SH3BP4: variants seen among roughly 807,000 people sequenced by gnomAD.
SH3BP4 encodes the protein SH3 domain-binding protein 4.
A neutral mutation model predicts 65.5 loss-of-function variants in SH3BP4; 33 were observed. The ratio of observed to expected loss-of-function variants is 0.50; its 90% CI spans 0.38 to 0.67. The LOEUF is 0.67. SH3BP4 is among the 30% of genes least tolerant of loss of function. SH3BP4 has a pLI of 0.00. For synonymous variants in SH3BP4, 552 were observed against 545.5 expected (o/e 1.01, Z -0.17); for missense variants, 1,134 against 1,261.4 (o/e 0.90, Z 1.53).
chr2:234,978,732 G>A lies in SH3BP4; in HGVS notation c.-206-16571G>A, dbSNP rs1260042765. On this transcript the variant is annotated intron_variant, in intron 1 of 5. Transcript: ENST00000392011. This position sits in a 1 kb window ranked among gnomAD's most constrained non-coding sequence, Gnocchi z 4.1. ...CAGAGACAAGCACCCCAACAGTAGG[G>A]TGCTTCGAGGTCCTGGAGGGGAGCC... 6.6e-6 allele frequency: 1 copy of A among 152,192 alleles called. No homozygotes were observed. Among genetic ancestry groups the A allele is most frequent in the East Asian group, 1.9e-4 (1 of 5,198 alleles). The allele number at this position is 152,192 out of a possible 1,614,324, so 9.4% of individuals were successfully genotyped here.
chr2:235,041,163 C>T lies in SH3BP4; in HGVS notation c.394C>T (p.Pro132Ser). 6.2e-7 allele frequency: 1 copy of T among 1,614,084 alleles called. No individual in the cohort carries two copies. The highest frequency in any genetic ancestry group is 2.2e-5 in the East Asian group (1 of 44,868). The change falls in exon 4 of 6, where the codon CCA becomes TCA. Residue 132 changes from proline (P) to serine (S), a missense_variant. Transcript: ENST00000392011. The surrounding 1 kb of genome is among the most constrained non-coding windows in gnomAD (Gnocchi z 6.0). ...TATGATTGATAATCTTCCAGACAGCCCAGACGAGGTAGCCAAGGAGCTGGA... is the reference window on the plus strand; with the variant it reads ...TATGATTGATAATCTTCCAGACAGCTCAGACGAGGTAGCCAAGGAGCTGGA... ...SGMIDNLPDSPDEVAKELELL... is the reference protein window; with the variant it reads ...SGMIDNLPDSSDEVAKELELL...
At position 235,034,985 on chromosome 2, in the gene SH3BP4, C is replaced by G. The variant is rs372990503; in HGVS notation, c.-18C>G. On this transcript the variant is annotated 5_prime_UTR_variant, in exon 3 of 6. Transcript: ENST00000392011. The surrounding 1 kb of genome is among the most constrained non-coding windows in gnomAD (Gnocchi z 6.2). ...AATATGAAGCCTTAGCGGCTTTACC[C>G]GGGAAGCGAGTTTCGAGATGGCGGC... The G allele has an allele frequency of 3.1e-6, 5 of 1,607,248 alleles. No individual in the cohort carries two copies. The East Asian group carries it at 1.1e-4, about 36-fold the overall frequency.
In SH3BP4 at chr2:235,042,023, C is replaced by T. The variant is rs755732006; in HGVS notation, c.1254C>T (p.Ser418=). The stretch of plus-strand genomic sequence containing the variant: ...CAGTGGGCCTCCAGTGCCTGAGGAG[C>T]GACTCGAAGGAAGGGCCATATGTCT... ...KSTVGLQCLR[S]DSKEGPYVSV... is the part of the protein sequence containing the mutation. Residue 418 remains serine, a synonymous_variant, in exon 4 of 6, where the codon AGC becomes AGT. Coordinates refer to ENST00000392011, the MANE Select transcript of SH3BP4 (RefSeq NM_014521.3). This position sits in a 1 kb window ranked among gnomAD's most constrained non-coding sequence, Gnocchi z 7.3. 22 of 1,614,000 alleles carry T rather than the reference C, an allele frequency of 1.4e-5. No homozygotes were observed. The African/African-American group carries it at 1.7e-4, about 13-fold the overall frequency.
At chr2:234,965,204 G>A (rs1479690089) in intron 1 of SH3BP4, among the ~76,000 whole-genome samples, 1 of 152,242 alleles carries the variant, frequency 6.6e-6, no homozygotes, top group Non-Finnish European at 1.5e-5. Flanking sequence ...ATGAAGAAGA[G>A]GAGACTGTCC....
At chr2:234,969,375 A>G (rs1692921236) in intron 1 of SH3BP4, among the ~76,000 whole-genome samples, 1 of 152,114 alleles carries the variant, frequency 6.6e-6, no homozygotes, top group Middle Eastern at 3.2e-3. Context: ...GTTGCATGTC[A>G]TCACGTGCAG....
Position 235,043,265 on chromosome 2 carries a change from G to T in SH3BP4, c.2478+18G>T. ...TTGTGATGGTGAGTGCTCAGCAGGT[G>T]CCTGGGCGTTCAGGGGTGCTGCTCA... On this transcript the variant is annotated intron_variant, in intron 4 of 5. Transcript: ENST00000392011. 6.5e-7 allele frequency: 1 copy of T among 1,538,842 alleles called. No homozygotes were observed. The highest frequency in any genetic ancestry group is 8.8e-7 in the Non-Finnish European group (1 of 1,139,554).
intron 2 of SH3BP4, among the ~76,000 whole-genome samples, chr2:235,008,177 C>T (rs909845703): frequency 6.6e-6 from 1 of 152,148 alleles, no homozygotes; most frequent in Non-Finnish European, 1.5e-5. Context: ...TGTGGCACAG[C>T]TTGAGGGGCC....
chr2:234,973,038 G>A (rs1055346526), intron 1 of SH3BP4, among the ~76,000 whole-genome samples: 2 of 152,196 alleles, frequency 1.3e-5, no homozygotes, highest in African/African-American at 4.8e-5. Flanking sequence ...CCTTTTGTCT[G>A]TTGGTGAGTT....
chr2:235,027,591 C>T (rs556213056), intron 2 of SH3BP4, among the ~76,000 whole-genome samples: 197 of 152,232 alleles, frequency 1.3e-3, no homozygotes, highest in Non-Finnish European at 2.5e-3. Context: ...TTTTCTAACC[C>T]GGAGGAAATC....
intron 2 of SH3BP4, among the ~76,000 whole-genome samples, chr2:235,007,441 A>G (rs1183185572): frequency 6.6e-6 from 1 of 152,190 alleles, no homozygotes; most frequent in Non-Finnish European, 1.5e-5. Context: ...GATTGTCACC[A>G]CGCAGGGAGG....
At chr2:234,982,369 T>G (rs544660308) in intron 1 of SH3BP4, among the ~76,000 whole-genome samples, 36 of 152,204 alleles carry the variant, frequency 2.4e-4, no homozygotes, top group Non-Finnish European at 4.1e-4. Flanking sequence ...GTGCCCACTT[T>G]ATGGAGGCGG....
At chr2:235,014,312 G>A (rs536319353) in intron 2 of SH3BP4, among the ~76,000 whole-genome samples, 35 of 152,284 alleles carry the variant, frequency 2.3e-4, no homozygotes, top group Non-Finnish European at 2.9e-4. Context: ...TGTGGTGGAG[G>A]CCTCGTCCCT....
intron 2 of SH3BP4, among the ~76,000 whole-genome samples, chr2:235,011,702 C>T (rs186836786): frequency 8.5e-5 from 13 of 152,336 alleles, no homozygotes; most frequent in Admixed American, 2.6e-4. Flanking sequence ...TCCTTCCTCT[C>T]GACTTACATT....
At chr2:234,971,626 G>T (rs1325735838) in intron 1 of SH3BP4, among the ~76,000 whole-genome samples, 1 of 152,086 alleles carries the variant, frequency 6.6e-6, no homozygotes, top group Non-Finnish European at 1.5e-5. Flanking sequence ...CAAGGGTTCC[G>T]GTTCCTTCAC....
chr2:235,012,864 C>G lies in SH3BP4; in HGVS notation c.-133+17488C>G, dbSNP rs115543820. On this transcript the variant is annotated intron_variant, in intron 2 of 5. Transcript: ENST00000392011. ...CAGGGATGAGTTTTTAATATTTTAC[C>G]AAGGATCAGGTGAGAAAGCCAAGGA... Among the ~76,000 whole-genome samples, 35 of 152,264 alleles carry G rather than the reference C, an allele frequency of 2.3e-4. 1 individual carries two copies. The East Asian group carries it at 6.2e-3, about 27-fold the overall frequency.
Position 235,052,683 on chromosome 2 carries a change from T to A in SH3BP4, c.2600T>A (p.Val867Asp). 1.2e-6 allele frequency: 2 copies of A among 1,601,934 alleles called. No individual in the cohort carries two copies. The highest frequency in any genetic ancestry group is 1.7e-5 in the Admixed American group (1 of 58,778). ...WRELAEKLAK[V>D]SKQQMDAYES... ...GAGCTGGCTGAGAAGCTGGCCAAGG[T>A]CTCCAAGCAGCAGATGGACGCCTAC... The change falls in exon 5 of 6, where the codon GTC becomes GAC. Residue 867 changes from valine to aspartate, a missense_variant. Val to Asp is a radical substitution (Grantham distance 152, BLOSUM62 -3). Transcript: ENST00000392011. This position sits in a 1 kb window ranked among gnomAD's most constrained non-coding sequence, Gnocchi z 5.0.
In SH3BP4 at chr2:234,991,954, A is replaced by G. The variant is rs770674108; in HGVS notation, c.-206-3349A>G. 1.9e-4 allele frequency among the ~76,000 whole-genome samples: 29 copies of G among 152,178 alleles called. No homozygotes were observed. The highest frequency in any genetic ancestry group is 4.1e-4 in the Non-Finnish European group (28 of 68,024). On this transcript the variant is annotated intron_variant, in intron 1 of 5. Transcript: ENST00000392011. The surrounding 1 kb of genome is among the most constrained non-coding windows in gnomAD (Gnocchi z 4.2). ...GTCCCCCCATACTTAGGCATGAGGT[A>G]TGAGTTTACCCAATCATCCCCCTGT... is the stretch of plus-strand genomic sequence containing the variant.
At chr2:234,999,533 T>G (rs1419851294) in intron 2 of SH3BP4, among the ~76,000 whole-genome samples, 1 of 152,200 alleles carries the variant, frequency 6.6e-6, no homozygotes, top group East Asian at 1.9e-4. Flanking sequence ...TGGATGCGTT[T>G]CATTCTTGGG....
At chr2:234,971,020 A>AG (rs1263614726) in intron 1 of SH3BP4, among the ~76,000 whole-genome samples, 1 of 152,222 alleles carries the variant, frequency 6.6e-6, no homozygotes, top group Non-Finnish European at 1.5e-5. Flanking sequence ...CTTTAAAAAA[A>AG]TTCTAAAATT....
Sources: allele counts gnomAD v4.1 joint callset (sites outside exome capture counted in the v4.1 genomes callset), GRCh38; gene constraint gnomAD v4.1.1; non-coding constraint Gnocchi (gnomAD v3.1); transcripts MANE v1.5; gene names NCBI Gene and HGNC (gene_info 2026-07-23, HGNC 2026-07-21).